The following AKAP12 variants were observed in gnomAD, a reference collection of about 807,000 sequenced individuals.
AKAP12 encodes A-kinase anchor protein 12.
AKAP12 carries 32 observed loss-of-function variants against 79.9 expected under a neutral mutation model. The ratio of observed to expected loss-of-function variants is 0.40; its 90% CI spans 0.30 to 0.54. The LOEUF is 0.54. Ranked by LOEUF, AKAP12 falls within the 20% of genes least tolerant of loss-of-function variation. The pLI is 0.48. For missense variants in AKAP12, 2,074 were observed against 2,177.0 expected (o/e 0.95, Z 0.94); for synonymous variants, 808 against 857.0 (o/e 0.94, Z 1.00).
intron 2 of AKAP12, among the ~76,000 whole-genome samples, chr6:151,298,009 A>G (rs142371146): frequency 1.8e-4 from 27 of 152,166 alleles, no homozygotes; most frequent in East Asian, 5.8e-4. Flanking sequence ...ACACAATCCA[A>G]AAACAGAGAT....
intron 3 of AKAP12, among the ~76,000 whole-genome samples, chr6:151,316,535 T>C (rs1303533429): frequency 6.6e-6 from 1 of 152,202 alleles, no homozygotes; most frequent in Non-Finnish European, 1.5e-5. Flanking sequence ...GGCCTCTCTC[T>C]TTTGCTCGCA....
At chr6:151,341,638 C>G in intron 3 of AKAP12, 1 of 1,056,242 alleles carries the variant, frequency 9.5e-7, no homozygotes. Flanking sequence ...GTTGGGCTGC[C>G]CCTGCCGGCG....
intron 2 of AKAP12, among the ~76,000 whole-genome samples, chr6:151,298,519 C>T (rs981852747): frequency 3.9e-5 from 6 of 152,132 alleles, no homozygotes; most frequent in African/African-American, 7.2e-5. Context: ...CTTGGCCAGG[C>T]GAGGTGGCTC....
intron 3 of AKAP12, among the ~76,000 whole-genome samples, chr6:151,317,649 G>T (rs1582876951): frequency 6.6e-6 from 1 of 152,172 alleles, no homozygotes; most frequent in Non-Finnish European, 1.5e-5. Context: ...ATTGACTGGA[G>T]GACATGAGTC....
chr6:151,293,957 G>T (rs79011355), intron 2 of AKAP12, among the ~76,000 whole-genome samples: 1 of 151,296 alleles, frequency 6.6e-6, no homozygotes, highest in East Asian at 2.0e-4. Flanking sequence ...AATTCTTCAG[G>T]TTCAACCTTG....
chr6:151,322,458 C>T (rs1329857651), intron 3 of AKAP12, among the ~76,000 whole-genome samples: 3 of 152,294 alleles, frequency 2.0e-5, no homozygotes, highest in South Asian at 2.1e-4. Context: ...TTGTCTTCCC[C>T]GCCAAGCCCC....
intron 2 of AKAP12, among the ~76,000 whole-genome samples, chr6:151,258,144 T>G (rs1176554282): frequency 6.6e-6 from 1 of 152,220 alleles, no homozygotes; most frequent in East Asian, 1.9e-4. Context: ...TAGATTATTG[T>G]GTCCTCAAAC....
chr6:151,286,803 A>G (rs1239471524), intron 2 of AKAP12, among the ~76,000 whole-genome samples: 1 of 152,234 alleles, frequency 6.6e-6, no homozygotes, highest in Non-Finnish European at 1.5e-5. Flanking sequence ...AGAAGGTTAG[A>G]GCTCAGAGCT....
intron 2 of AKAP12, among the ~76,000 whole-genome samples, chr6:151,283,483 CAA>C (rs1658890444): frequency 6.6e-6 from 1 of 152,198 alleles, no homozygotes; most frequent in African/African-American, 2.4e-5. Flanking sequence ...GACAGGGTAA[CAA>C]AAGCAGTGAT....
chr6:151,319,437 GTGTC>G (rs796269316), intron 3 of AKAP12, among the ~76,000 whole-genome samples: 24 of 113,786 alleles, frequency 2.1e-4, no homozygotes, highest in Non-Finnish European at 3.7e-5. Flanking sequence ...TAAAAGACAG[GTGTC>G]TGTCTATCTA....
In AKAP12 at chr6:151,352,865, A is replaced by T. The variant is rs1431568403; in HGVS notation, c.4474A>T (p.Thr1492Ser). The T allele has an allele frequency of 6.2e-7, 1 of 1,614,202 alleles. No homozygotes were observed. Among genetic ancestry groups the T allele is most frequent in the Non-Finnish European group, 8.5e-7 (1 of 1,180,044 alleles). ...GACACCAGTGATAGTATCTGCTACT[A>T]CCAAGAAAGGCTTAAGTTCCGACCT... ...KSTPVIVSAT[T>S]KKGLSSDLEG... Residue 1492 changes from threonine to serine, a missense_variant, in exon 4 of 5, where the codon ACC becomes TCC. Thr to Ser is a moderately conservative substitution (Grantham distance 58). This residue lies in a region of AKAP12 where 614 missense variants were observed against 665.6 expected (regional missense o/e 0.92). Transcript: ENST00000402676.
At chr6:151,322,077 T>A (rs1373971851) in intron 3 of AKAP12, among the ~76,000 whole-genome samples, 3 of 151,802 alleles carry the variant, frequency 2.0e-5, no homozygotes, top group Non-Finnish European at 4.4e-5. Flanking sequence ...GCCCGGCTAA[T>A]TTTTGTATTT....
At chr6:151,246,147 G>A (rs1045504449) in intron 2 of AKAP12, among the ~76,000 whole-genome samples, 20 of 152,192 alleles carry the variant, frequency 1.3e-4, no homozygotes, top group Non-Finnish European at 2.2e-4. Context: ...GGCAAGGTGC[G>A]GTGGCTCACG....
At chr6:151,341,300 C>T (rs1346196712) in intron 3 of AKAP12, among the ~76,000 whole-genome samples, 1 of 152,170 alleles carries the variant, frequency 6.6e-6, no homozygotes, top group Non-Finnish European at 1.5e-5. Context: ...GTGATCCGCC[C>T]GCTTTGGCCT....
At chr6:151,240,823 C>T in intron 2 of AKAP12, 99 bp downstream of exon 2, 1 of 984,526 alleles carries the variant, frequency 1.0e-6, no homozygotes, top group Non-Finnish European at 1.3e-6. Flanking sequence ...GAGAACTTCC[C>T]AGCCCATCCA....
chr6:151,244,918 G>A (rs576626931), intron 2 of AKAP12, among the ~76,000 whole-genome samples: 1 of 152,190 alleles, frequency 6.6e-6, no homozygotes, highest in Non-Finnish European at 1.5e-5. Context: ...GCTAGTGGAT[G>A]AATAAGATAA....
In AKAP12 at chr6:151,349,356, A is replaced by T; in HGVS notation, c.965A>T (p.Glu322Val). Residue 322 changes from glutamate to valine, a missense_variant, in exon 4 of 5, where the codon GAA (glutamate) becomes GTA (valine). Transcript: ENST00000402676. The part of the protein sequence containing the change: ...SFRKPKEDEV[E>V]ASEKKKEQEP... ...AGGAAGCCGAAGGAGGATGAAGTGG[A>T]AGCTTCAGAGAAGAAAAAGGAACAA... 6.2e-7 allele frequency: 1 copy of T among 1,614,080 alleles called. No homozygotes were observed. Among genetic ancestry groups the T allele is most frequent in the Non-Finnish European group, 8.5e-7 (1 of 1,179,994 alleles).
rs573717108 is a variant in AKAP12, at chr6:151,351,934, C to G, written c.3543C>G (p.Asp1181Glu). 6.2e-6 allele frequency: 10 copies of G among 1,614,002 alleles called. No individual in the cohort carries two copies. The highest frequency in any genetic ancestry group is 8.5e-6 in the Non-Finnish European group (10 of 1,180,040). ...TDGSTPVADF[D>E]APGTTQKDEI... Reference sequence around the variant, plus strand: ...GAAGCACCCCCGTAGCCGACTTTGACGCACCAGGCACAACCCAGAAAGACG... The same window carrying G: ...GAAGCACCCCCGTAGCCGACTTTGAGGCACCAGGCACAACCCAGAAAGACG... The change falls in exon 4 of 5, where the codon GAC becomes GAG. Residue 1181 changes from aspartate to glutamate, a missense_variant. Physicochemically the swap from Asp to Glu is conservative, Grantham distance 45 (BLOSUM62 2). Around this residue, in one of 3 missense-constraint regions of AKAP12, gnomAD observed 32 missense variants for 60.4 expected, o/e 0.53. Transcript: ENST00000402676. This position sits in a 1 kb window ranked among gnomAD's most constrained non-coding sequence, Gnocchi z 4.4.
At chr6:151,323,728 A>G in intron 3 of AKAP12, 2 of 985,404 alleles carry the variant, frequency 2.0e-6, no homozygotes, top group Non-Finnish European at 2.4e-6. Flanking sequence ...TATCCAGCTC[A>G]GTGGAATAGC....
Sources: allele counts gnomAD v4.1 joint callset (sites outside exome capture counted in the v4.1 genomes callset), GRCh38; gene constraint gnomAD v4.1.1; regional missense constraint gnomAD v4.1.1; non-coding constraint Gnocchi (gnomAD v3.1); transcripts MANE v1.5; gene names NCBI Gene and HGNC (gene_info 2026-07-23, HGNC 2026-07-21).